PDZD2: variants seen among roughly 807,000 people sequenced by gnomAD.
PDZD2 encodes PDZ domain-containing protein 2.
PDZD2 carries 90 observed loss-of-function variants against 220.7 expected under a neutral mutation model. The ratio of observed to expected loss-of-function variants is 0.41; its 90% CI spans 0.34 to 0.49. The LOEUF is 0.49. Ranked by LOEUF, PDZD2 falls within the 20% of genes least tolerant of loss-of-function variation. The pLI, the probability that PDZD2 is intolerant of heterozygous loss-of-function variation, is 0.28. For synonymous variants in PDZD2, 1,375 were observed against 1,450.5 expected (o/e 0.95, Z 1.18); for missense variants, 3,174 against 3,608.5 (o/e 0.88, Z 3.08).
intron 2 of PDZD2, among the ~76,000 whole-genome samples, chr5:31,978,714 C>CAAAAAAAAAAAAAAA (rs10632600): frequency 7.8e-5 from 10 of 128,016 alleles, no homozygotes; most frequent in African/African-American, 2.9e-4. Context: ...GACTCCATCT[C>CAAAAAAAAAAAAAAA]AAAAAAAAAA....
chr5:32,004,762 A>G (rs1752672867), intron 5 of PDZD2, among the ~76,000 whole-genome samples: 1 of 152,242 alleles, frequency 6.6e-6, no homozygotes, highest in Non-Finnish European at 1.5e-5. Context: ...ACTAGAGCCA[A>G]TGGTATTAGA....
At chr5:31,755,080 A>G (rs1751227142) in intron 1 of PDZD2, among the ~76,000 whole-genome samples, 1 of 152,174 alleles carries the variant, frequency 6.6e-6, no homozygotes, top group South Asian at 2.1e-4. Flanking sequence ...AGCACAGGCA[A>G]TGACAGGGCA....
chr5:31,985,426 G>T (rs1386602697), intron 3 of PDZD2, among the ~76,000 whole-genome samples: 11 of 152,302 alleles, frequency 7.2e-5, no homozygotes, highest in Non-Finnish European at 1.5e-4. Context: ...CAGGTGCAGG[G>T]GCTCAGGCCT....
chr5:31,945,538 G>A (rs758471769), intron 2 of PDZD2, among the ~76,000 whole-genome samples: 14 of 152,036 alleles, frequency 9.2e-5, no homozygotes, highest in Non-Finnish European at 1.5e-4. Flanking sequence ...TAGATACAGC[G>A]TCCCCGTTAA....
Position 31,807,647 on chromosome 5 carries a change from G to A in PDZD2, c.476+7923G>A, listed in dbSNP as rs139021521. Reference sequence around the variant, plus strand: ...ACTGGGGTCCATTCCAATATTGAGCGAGTGGCGTGGCATGGGGACCCCCAT... The same window carrying A: ...ACTGGGGTCCATTCCAATATTGAGCAAGTGGCGTGGCATGGGGACCCCCAT... On this transcript the variant is annotated intron_variant, in intron 2 of 24. Transcript: ENST00000438447. Among the ~76,000 whole-genome samples, 1,281 of 152,304 alleles carry A rather than the reference G, an allele frequency of 8.4e-3. 16 individuals are homozygous for A. The highest frequency in any genetic ancestry group is 0.011 in the Non-Finnish European group (750 of 68,034).
intron 2 of PDZD2, among the ~76,000 whole-genome samples, chr5:31,876,495 G>T (rs747567286): frequency 1.3e-5 from 2 of 151,996 alleles, no homozygotes; most frequent in Non-Finnish European, 2.9e-5. Flanking sequence ...GTTTCACCAT[G>T]TTGGTCAGGC....
intron 4 of PDZD2, among the ~76,000 whole-genome samples, chr5:31,999,605 T>C (rs1331227976): frequency 1.3e-5 from 2 of 152,228 alleles, no homozygotes; most frequent in East Asian, 3.9e-4. Context: ...TGTAACTCTG[T>C]TGGGAGATAG....
At chr5:31,841,859 T>C (rs1425638341) in intron 2 of PDZD2, among the ~76,000 whole-genome samples, 1 of 151,588 alleles carries the variant, frequency 6.6e-6, no homozygotes, top group Non-Finnish European at 1.5e-5. Context: ...TAGTCCCAGC[T>C]ACTCGGGAGG....
At chr5:31,891,176 G>A (rs1202497312) in intron 2 of PDZD2, among the ~76,000 whole-genome samples, 21 of 128,806 alleles carry the variant, frequency 1.6e-4, no homozygotes, top group Non-Finnish European at 2.2e-4. Flanking sequence ...TCGCTCTGTC[G>A]CCCAGGCTGG....
chr5:31,782,874 C>T (rs1484312139), intron 1 of PDZD2, among the ~76,000 whole-genome samples: 6 of 151,798 alleles, frequency 4.0e-5, no homozygotes, highest in African/African-American at 1.2e-4. Context: ...CCACCACACC[C>T]GGGTAATTTT....
intron 5 of PDZD2, among the ~76,000 whole-genome samples, chr5:32,008,013 G>A (rs2112065238): frequency 1.3e-5 from 2 of 152,236 alleles, no homozygotes; most frequent in East Asian, 3.9e-4. Context: ...GTCTGGGCCG[G>A]GCGCGGTCCC....
chr5:31,963,576 C>T (rs529331778), intron 2 of PDZD2, among the ~76,000 whole-genome samples: 3 of 152,308 alleles, frequency 2.0e-5, no homozygotes, highest in East Asian at 1.9e-4. Context: ...CCCGCAGCCT[C>T]GCTGGGATGG....
At position 32,110,910 on chromosome 5, in the gene PDZD2, T is replaced by TAA. The variant is rs1554046551; in HGVS notation, c.*2777_*2778dup. The TAA allele has an allele frequency of 6.6e-6, 1 of 152,136 alleles. No homozygotes were observed. The highest frequency in any genetic ancestry group is 1.5e-5 in the Non-Finnish European group (1 of 68,020). The allele number at this position is 152,136 out of a possible 1,614,324, so 9.4% of individuals were successfully genotyped here. Reference sequence around the variant, plus strand: ...CTTTTTTAAGTAATTTTAAAAAAAATAAACACTCTGCTTACTACTTGATTT... The same window carrying TAA: ...CTTTTTTAAGTAATTTTAAAAAAAATAAAAACACTCTGCTTACTACTTGATTT... On this transcript the variant is annotated 3_prime_UTR_variant, in exon 25 of 25. Coordinates refer to ENST00000438447, the MANE Select transcript of PDZD2 (RefSeq NM_178140.4).
rs189628028 is a variant in PDZD2 at position 31,852,320 on chromosome 5, G to A, written c.476+52596G>A. Among the ~76,000 whole-genome samples, 384 of 152,094 alleles carry A rather than the reference G, an allele frequency of 2.5e-3. 2 individuals are homozygous for A. The highest frequency in any genetic ancestry group is 8.2e-3 in the African/African-American group (342 of 41,518). On this transcript the variant is annotated intron_variant, in intron 2 of 24. Transcript: ENST00000438447. ...TTTTGAGACTGAGCATTGCTGTGTC[G>A]CCCAGGCTGGAGTGCAGTGGCGCAG...
intron 2 of PDZD2, among the ~76,000 whole-genome samples, chr5:31,856,096 AAAT>A (rs999311592): frequency 3.9e-5 from 6 of 152,204 alleles, no homozygotes; most frequent in African/African-American, 1.4e-4. Context: ...AATACATACA[AAAT>A]AATATTTTCA....
chr5:31,709,644 GTAT>G (rs2150138108), intron 1 of PDZD2, among the ~76,000 whole-genome samples: 1 of 152,270 alleles, frequency 6.6e-6, no homozygotes, highest in East Asian at 1.9e-4. Flanking sequence ...GCTTCCTTCA[GTAT>G]CTTTTCCAAG....
intron 2 of PDZD2, among the ~76,000 whole-genome samples, chr5:31,823,903 T>C (rs1756057762): frequency 6.6e-6 from 1 of 152,198 alleles, no homozygotes; most frequent in South Asian, 2.1e-4. Flanking sequence ...TGTGAACATG[T>C]GTAAGGCGAA....
At chr5:31,964,237 A>G (rs1317211563) in intron 2 of PDZD2, among the ~76,000 whole-genome samples, 1 of 152,214 alleles carries the variant, frequency 6.6e-6, no homozygotes, top group African/African-American at 2.4e-5. Context: ...GAAAGGAACT[A>G]ACGGTAATTG....
intron 1 of PDZD2, among the ~76,000 whole-genome samples, chr5:31,705,524 A>G (rs989572133): frequency 2.0e-5 from 3 of 152,192 alleles, no homozygotes; most frequent in Non-Finnish European, 2.9e-5. Flanking sequence ...TATACATATC[A>G]TCTAATTTAT....
Sources: allele counts gnomAD v4.1 joint callset (sites outside exome capture counted in the v4.1 genomes callset), GRCh38; gene constraint gnomAD v4.1.1; transcripts MANE v1.5; gene names NCBI Gene and HGNC (gene_info 2026-07-23, HGNC 2026-07-21).